Variants in GPBP1 observed in about 807,000 individuals in gnomAD.
GPBP1 encodes the protein vasculin.
Under a neutral mutation model 56.5 loss-of-function variants are expected in GPBP1, and 13 were observed. The observed-to-expected ratio is 0.23, with a 90% CI of 0.15 to 0.37. The LOEUF is 0.37. Among genes scored for constraint, GPBP1 ranks in the 10% least tolerant of loss-of-function variants. The pLI is 1.00. For missense variants in GPBP1, 477 were observed against 572.3 expected (o/e 0.83, Z 1.70); for synonymous variants, 204 against 188.9 (o/e 1.08, Z -0.66).
At chr5:57,218,088 T>A (rs572195809) in intron 3 of GPBP1, among the ~76,000 whole-genome samples, 1 of 152,260 alleles carries the variant, frequency 6.6e-6, no homozygotes, top group South Asian at 2.1e-4. Flanking sequence ...AAAACCCCAC[T>A]TTTTTTCCTC....
At chr5:57,193,626 A>AC (rs1754622301) in intron 2 of GPBP1, among the ~76,000 whole-genome samples, 1 of 151,410 alleles carries the variant, frequency 6.6e-6, no homozygotes, top group African/African-American at 2.4e-5. Flanking sequence ...AAAAAAAAAA[A>AC]AAAAAAAAAA....
chr5:57,191,942 C>A (rs191390539), intron 2 of GPBP1, among the ~76,000 whole-genome samples: 1 of 152,316 alleles, frequency 6.6e-6, no homozygotes, highest in African/African-American at 2.4e-5. Flanking sequence ...CATGATAGTT[C>A]ATTTGTAGTG....
At chr5:57,240,420 A>G (rs1004573863) in intron 6 of GPBP1, among the ~76,000 whole-genome samples, 2 of 152,214 alleles carry the variant, frequency 1.3e-5, no homozygotes, top group African/African-American at 2.4e-5. Flanking sequence ...TATAGTGCAC[A>G]CTTATAAGCC....
At chr5:57,182,509 A>G (rs1385251223) in intron 2 of GPBP1, among the ~76,000 whole-genome samples, 2 of 151,342 alleles carry the variant, frequency 1.3e-5, no homozygotes, top group Non-Finnish European at 2.9e-5. Flanking sequence ...AGTAGCTGGG[A>G]TTATAGGCGC....
At chr5:57,235,010 T>A (rs912398418) in intron 5 of GPBP1, among the ~76,000 whole-genome samples, 3 of 151,642 alleles carry the variant, frequency 2.0e-5, no homozygotes, top group Non-Finnish European at 1.5e-5. Flanking sequence ...AAAAAAAAAA[T>A]TAAAATTATT....
At chr5:57,230,642 T>C (rs548250817) in intron 3 of GPBP1, 532 of 571,406 alleles carry the variant, frequency 9.3e-4, no homozygotes, top group African/African-American at 6.8e-3. Flanking sequence ...TAAGCACATG[T>C]GCTTGTTTCC....
intron 6 of GPBP1, among the ~76,000 whole-genome samples, chr5:57,243,061 C>CT (rs1332428743): frequency 1.3e-5 from 2 of 149,948 alleles, no homozygotes; most frequent in Non-Finnish European, 3.0e-5. Context: ...ATATGAATTA[C>CT]TTTTTTTGTT....
chr5:57,240,840 G>C (rs530918337), intron 6 of GPBP1, among the ~76,000 whole-genome samples: 20 of 151,898 alleles, frequency 1.3e-4, no homozygotes. Flanking sequence ...TGGGTGTGGT[G>C]GCACATGCCT....
intron 2 of GPBP1, among the ~76,000 whole-genome samples, chr5:57,182,016 CTT>C (rs1479151105): frequency 6.6e-6 from 1 of 152,076 alleles, no homozygotes; most frequent in African/African-American, 2.4e-5. Flanking sequence ...GTTTCTTGGT[CTT>C]TAGTTATTAT....
At chr5:57,214,862 A>G (rs1401851610) in intron 3 of GPBP1, among the ~76,000 whole-genome samples, 1 of 152,126 alleles carries the variant, frequency 6.6e-6, no homozygotes, top group South Asian at 2.1e-4. Context: ...AGGTTTTGCC[A>G]TGTTGGCTAG....
chr5:57,252,631 G>T (rs529887317), intron 10 of GPBP1, among the ~76,000 whole-genome samples: 16 of 152,202 alleles, frequency 1.1e-4, no homozygotes, highest in Non-Finnish European at 1.6e-4. Flanking sequence ...GAGCTGAAGC[G>T]ATCCTCCCGT....
chr5:57,218,983 G>C (rs1755813368), intron 3 of GPBP1, among the ~76,000 whole-genome samples: 1 of 152,198 alleles, frequency 6.6e-6, no homozygotes, highest in Admixed American at 6.5e-5. Flanking sequence ...ATTAGTGTGA[G>C]CCTAGATTAG....
At chr5:57,231,991 T>C (rs150550435) in intron 5 of GPBP1, among the ~76,000 whole-genome samples, 33 of 152,312 alleles carry the variant, frequency 2.2e-4, no homozygotes, top group Non-Finnish European at 4.4e-4. Context: ...GTTTATCTTA[T>C]TTTTTTCATG....
intron 2 of GPBP1, among the ~76,000 whole-genome samples, chr5:57,190,157 CCTTA>C (rs1208074032): frequency 4.3e-5 from 6 of 138,710 alleles, no homozygotes; most frequent in Admixed American, 2.9e-4. Context: ...AATAATTTAG[CCTTA>C]CTTTTTTTTA....
chr5:57,251,407 A>C (rs894904057), intron 10 of GPBP1, among the ~76,000 whole-genome samples: 3 of 152,190 alleles, frequency 2.0e-5, no homozygotes, highest in African/African-American at 7.2e-5. Flanking sequence ...GGAATAATAT[A>C]GTATGTGATT....
intron 8 of GPBP1, chr5:57,248,886 A>G (rs1200450358): frequency 1.3e-5 from 2 of 152,318 alleles, no homozygotes; most frequent in East Asian, 3.8e-4. Flanking sequence ...CATATGACAC[A>G]GAGTTTTAAC....
chr5:57,252,147 A>ACCCC (rs1741424052), intron 10 of GPBP1, among the ~76,000 whole-genome samples: 1 of 9,968 alleles, frequency 1.0e-4, no homozygotes, highest in African/African-American at 3.8e-4. Flanking sequence ...CCCCACCCCC[A>ACCCC]CAGGCACCTT....
At chr5:57,227,084 G>A (rs1364457690) in intron 3 of GPBP1, among the ~76,000 whole-genome samples, 2 of 151,666 alleles carry the variant, frequency 1.3e-5, no homozygotes, top group African/African-American at 2.4e-5. Flanking sequence ...GTGGAGTCTC[G>A]CTCTGTTGCT....
rs1217019818 is a variant in GPBP1, at chr5:57,263,822, TTC to T, written c.*1072_*1073del. 1.3e-5 allele frequency: 2 copies of T among 152,182 alleles called. No homozygotes were observed. Among genetic ancestry groups the T allele is most frequent in the Non-Finnish European group, 2.9e-5 (2 of 68,016 alleles). 9.4% of individuals were successfully genotyped at this position (152,182 alleles called of 1,614,324 possible). ...ATTTGCACATTAATTTTGGAATTGT[TTC>T]TGTTTTGCTGCTGACGGAAATACTA... On this transcript the variant is annotated 3_prime_UTR_variant, in exon 12 of 12. Coordinates refer to ENST00000506184, the MANE Select transcript of GPBP1 (RefSeq NM_022913.4).
Sources: allele counts gnomAD v4.1 joint callset (sites outside exome capture counted in the v4.1 genomes callset), GRCh38; gene constraint gnomAD v4.1.1; transcripts MANE v1.5; gene names NCBI Gene and HGNC (gene_info 2026-07-23, HGNC 2026-07-21).